The following TOMM70 variants were observed in gnomAD, a reference collection of about 807,000 sequenced individuals.
TOMM70 encodes the protein translocase of outer mitochondrial membrane 70, also known as mitochondrial import receptor subunit TOM70.
TOMM70 carries 13 observed loss-of-function variants against 73.6 expected under a neutral mutation model. That is an observed-to-expected ratio of 0.18 (90% CI 0.11 to 0.28). TOMM70 has a LOEUF of 0.28. TOMM70 is among the 10% of genes least tolerant of loss of function. The pLI, the probability that TOMM70 is intolerant of heterozygous loss-of-function variation, is 1.00. For missense variants in TOMM70, 609 were observed against 747.5 expected (o/e 0.81, Z 2.16); for synonymous variants, 257 against 271.2 (o/e 0.95, Z 0.51).
intron 1 of TOMM70, among the ~76,000 whole-genome samples, chr3:100,399,884 C>T (rs1459664290): frequency 1.3e-5 from 2 of 151,930 alleles, no homozygotes; most frequent in African/African-American, 4.8e-5. Flanking sequence ...TGACAAAGGC[C>T]AAGGGGTCCG....
At chr3:100,387,035 CAGT>C in intron 1 of TOMM70, 57 bp from the exon 2 acceptor site, 1 of 1,542,312 alleles carries the variant, frequency 6.5e-7, no homozygotes, top group South Asian at 1.2e-5. Flanking sequence ...ACTCAGACCA[CAGT>C]AATTAAACAA....
At chr3:100,366,788 C>A (rs1706451668) in intron 11 of TOMM70, among the ~76,000 whole-genome samples, 1 of 152,190 alleles carries the variant, frequency 6.6e-6, no homozygotes, top group South Asian at 2.1e-4. Context: ...CTATGAAAGC[C>A]TTGAATTAAA....
At chr3:100,399,346 A>G (rs1043888191) in intron 1 of TOMM70, among the ~76,000 whole-genome samples, 19 of 152,300 alleles carry the variant, frequency 1.2e-4, no homozygotes, top group African/African-American at 4.6e-4. Context: ...ATTTAAGTGT[A>G]TACACTTGGA....
At chr3:100,367,836 G>A (rs1358467696) in intron 11 of TOMM70, among the ~76,000 whole-genome samples, 1 of 152,194 alleles carries the variant, frequency 6.6e-6, no homozygotes, top group Admixed American at 6.5e-5. Flanking sequence ...CCATTTGGCT[G>A]GATGCTTCTT....
At chr3:100,398,914 C>A (rs1468705277) in intron 1 of TOMM70, among the ~76,000 whole-genome samples, 2 of 152,202 alleles carry the variant, frequency 1.3e-5, no homozygotes, top group African/African-American at 4.8e-5. Flanking sequence ...TAGCACAATG[C>A]CTCACACACT....
At chr3:100,389,747 A>G (rs556187723) in intron 1 of TOMM70, among the ~76,000 whole-genome samples, 58 of 152,370 alleles carry the variant, frequency 3.8e-4, no homozygotes, top group African/African-American at 1.3e-3. Context: ...AAAGGTTTAA[A>G]ATAAACTCAA....
At position 100,370,606 on chromosome 3, in the gene TOMM70, C is replaced by T. The variant is rs116574318; in HGVS notation, c.1453-1471G>A. 4.0e-3 allele frequency among the ~76,000 whole-genome samples: 615 copies of T among 152,238 alleles called. 3 individuals are homozygous for T. Among genetic ancestry groups the T allele is most frequent in the South Asian group, 7.9e-3 (38 of 4,822 alleles). On this transcript the variant is annotated intron_variant, in intron 9 of 11. Coordinates refer to ENST00000284320, the MANE Select transcript of TOMM70 (RefSeq NM_014820.5). ...AACTTTGCGAGTTGGCCAGCATCTA[C>T]GCCAAAGCTTTGAGGGCCAAAAAAG...
At chr3:100,398,518 G>A (rs536811470) in intron 1 of TOMM70, among the ~76,000 whole-genome samples, 11 of 151,600 alleles carry the variant, frequency 7.3e-5, no homozygotes, top group African/African-American at 2.7e-4. Flanking sequence ...ATTAACAAAC[G>A]AAATAGAAAA....
intron 1 of TOMM70, among the ~76,000 whole-genome samples, chr3:100,387,298 A>G (rs900825505): frequency 6.6e-6 from 1 of 151,990 alleles, no homozygotes; most frequent in African/African-American, 2.4e-5. Flanking sequence ...AATACAAAAA[A>G]TAGCTGGGTA....
chr3:100,386,299 G>A lies in TOMM70; in HGVS notation c.544C>T (p.Leu182Phe). 1 of 1,613,200 alleles carries A rather than the reference G, an allele frequency of 6.2e-7. No individual in the cohort carries two copies. Among genetic ancestry groups the A allele is most frequent in the Non-Finnish European group, 8.5e-7 (1 of 1,179,536 alleles). The change falls in exon 3 of 12, where the codon CTT (leucine) becomes TTT (phenylalanine). Residue 182 changes from leucine to phenylalanine, a missense_variant. Coordinates refer to ENST00000284320, the MANE Select transcript of TOMM70 (RefSeq NM_014820.5). ...AGAGCTTTCACATATTTGGGATTAA[G>A]TTCAACAGCTTTTGTACAGTCTTGT... ...VAQDCTKAVE[L>F]NPKYVKALFR...
chr3:100,396,437 A>G (rs774412137), intron 1 of TOMM70, among the ~76,000 whole-genome samples: 4 of 152,206 alleles, frequency 2.6e-5, no homozygotes, highest in African/African-American at 7.2e-5. Flanking sequence ...TTAAATAACA[A>G]TTGGACAAAA....
At chr3:100,377,522 T>C (rs541476828) in intron 6 of TOMM70, 183 bp downstream of exon 6, 88 of 605,376 alleles carry the variant, frequency 1.5e-4, no homozygotes, top group Non-Finnish European at 2.3e-4. Flanking sequence ...AAGATAAATA[T>C]CATTGATATT....
At chr3:100,398,383 C>CAAA (rs397970636) in intron 1 of TOMM70, among the ~76,000 whole-genome samples, 7,059 of 97,658 alleles carry the variant, frequency 0.072, 278 homozygotes, top group Non-Finnish European at 0.12. Context: ...GACGCTGTCT[C>CAAA]AAAAAAAAAA....
intron 10 of TOMM70, among the ~76,000 whole-genome samples, chr3:100,368,461 G>T (rs185173660): frequency 5.3e-5 from 8 of 152,114 alleles, no homozygotes; most frequent in Admixed American, 5.2e-4. Flanking sequence ...ATTCAAGTAC[G>T]CAAGGACACG....
At chr3:100,395,517 T>C (rs1706816006) in intron 1 of TOMM70, among the ~76,000 whole-genome samples, 1 of 131,082 alleles carries the variant, frequency 7.6e-6, no homozygotes, top group Non-Finnish European at 1.5e-5. Flanking sequence ...CACTCCAGCC[T>C]GGGTGACAGA....
At chr3:100,394,523 A>G (rs544480521) in intron 1 of TOMM70, among the ~76,000 whole-genome samples, 1 of 152,074 alleles carries the variant, frequency 6.6e-6, no homozygotes, top group East Asian at 1.9e-4. Flanking sequence ...TCTTTTTTTG[A>G]GACAGAGTTT....
At chr3:100,377,509 A>G in intron 6 of TOMM70, 196 bp downstream of exon 6, 1 of 583,062 alleles carries the variant, frequency 1.7e-6, no homozygotes, top group Non-Finnish European at 2.9e-6. Context: ...CCTTTCCTAA[A>G]TAAAGATAAA....
intron 1 of TOMM70, among the ~76,000 whole-genome samples, chr3:100,390,492 G>T (rs562335235): frequency 6.6e-6 from 1 of 152,112 alleles, no homozygotes; most frequent in Non-Finnish European, 1.5e-5. Context: ...TGGTGCTGCC[G>T]GTATAAACAA....
At position 100,376,369 on chromosome 3, in the gene TOMM70, G is replaced by GTTTTTTTTTTTTT. The variant is rs141227349; in HGVS notation, c.1093-1230_1093-1218dup. Reference sequence around the variant, plus strand: ...CTTGATGGTGTCTTTTCACACAGAAGTTTTTTTTTTTTTTTGAGACAGGAT... The same window carrying GTTTTTTTTTTTTT: ...CTTGATGGTGTCTTTTCACACAGAAGTTTTTTTTTTTTTTTTTTTTTTTTTTTTGAGACAGGAT... On this transcript the variant is annotated intron_variant, in intron 6 of 11. Transcript: ENST00000284320. Among the ~76,000 whole-genome samples, 586 of 121,676 alleles carry GTTTTTTTTTTTTT rather than the reference G, an allele frequency of 4.8e-3. 67 individuals are homozygous for GTTTTTTTTTTTTT. Among genetic ancestry groups the GTTTTTTTTTTTTT allele is most frequent in the African/African-American group, 0.021 (568 of 26,980 alleles). The allele number at this position is 121,676 out of a possible 152,430, so 79.8% of individuals were successfully genotyped here.
Sources: gnomAD v4.1 joint callset for allele counts (sites outside exome capture counted in the v4.1 genomes callset) on GRCh38, gnomAD v4.1.1 for gene constraint, MANE v1.5 for transcripts, NCBI Gene and HGNC (gene_info 2026-07-23, HGNC 2026-07-21) for gene names.